The following DUT variants were observed in gnomAD, a reference collection of about 807,000 sequenced individuals.
The protein encoded by DUT is deoxyuridine 5'-triphosphate nucleotidohydrolase, mitochondrial.
A neutral mutation model predicts 28.8 loss-of-function variants in DUT; 21 were observed. The ratio of observed to expected loss-of-function variants is 0.73; its 90% CI spans 0.52 to 1.05. The LOEUF is 1.05. DUT is among the 50% of genes least tolerant of loss of function. The pLI is 0.00. For synonymous variants in DUT, 147 were observed against 143.7 expected (o/e 1.02, Z -0.17); for missense variants, 344 against 351.8 (o/e 0.98, Z 0.18).
chr15:48,332,854 C>T (rs182127406), intron 2 of DUT: 5 of 446,914 alleles, frequency 1.1e-5, no homozygotes, highest in Non-Finnish European at 2.2e-5. Context: ...GAGAAGGCAT[C>T]TGAAAACGAA....
intron 4 of DUT, among the ~76,000 whole-genome samples, chr15:48,337,582 C>G (rs2042488942): frequency 6.6e-6 from 1 of 152,178 alleles, no homozygotes; most frequent in Non-Finnish European, 1.5e-5. Flanking sequence ...TCCTTAGGGA[C>G]TTCACAGATT....
At chr15:48,331,846 C>T (rs939254001) in intron 1 of DUT, 51 bp downstream of exon 1, 3 of 985,454 alleles carry the variant, frequency 3.0e-6, no homozygotes, top group African/African-American at 4.6e-5. Flanking sequence ...ATCCACGCGG[C>T]TTGAGGCTGT....
chr15:48,337,352 A>G (rs1051522820), intron 4 of DUT, among the ~76,000 whole-genome samples: 6 of 152,230 alleles, frequency 3.9e-5, no homozygotes, highest in African/African-American at 9.6e-5. Flanking sequence ...TGAAGTTTCA[A>G]ATGATTGTTC....
In DUT at chr15:48,342,875, A is replaced by G. The variant is rs143862126; in HGVS notation, c.*797A>G. On this transcript the variant is annotated 3_prime_UTR_variant, in exon 7 of 7. Transcript: ENST00000331200. ...AAAATATGCCATTTATAGAGATAAG[A>G]TAAATGAAATAATACTTCAGCCACC... The G allele has an allele frequency of 6.6e-6, 1 of 152,360 alleles. No homozygotes were observed. The highest frequency in any genetic ancestry group is 1.5e-5 in the Non-Finnish European group (1 of 68,032). 9.4% of individuals were successfully genotyped at this position (152,360 alleles called of 1,614,324 possible). A position where few individuals can be genotyped will look rare whatever the true frequency, so the allele number is the denominator to read the frequency against.
At chr15:48,332,732 A>G (rs1484631025) in intron 2 of DUT, 11 of 558,326 alleles carry the variant, frequency 2.0e-5, no homozygotes, top group Non-Finnish European at 3.7e-5. Flanking sequence ...CAATAGAAAA[A>G]CCAAGGTGAG....
intron 3 of DUT, 49 bp from the exon 4 acceptor site, chr15:48,335,997 A>G (rs1282221341): frequency 6.7e-6 from 10 of 1,501,542 alleles, no homozygotes; most frequent in Admixed American, 5.6e-5. Flanking sequence ...TATCTCTGAT[A>G]TAGCCCTTCC....
intron 3 of DUT, among the ~76,000 whole-genome samples, chr15:48,335,474 C>T (rs1054165760): frequency 1.3e-5 from 2 of 152,000 alleles, no homozygotes; most frequent in Non-Finnish European, 2.9e-5. Context: ...CATGTGTTTC[C>T]TACAGGCATG....
At chr15:48,335,910 C>A (rs1411924321) in intron 3 of DUT, 136 bp from the exon 4 acceptor site, 7 of 690,782 alleles carry the variant, frequency 1.0e-5, no homozygotes, top group Non-Finnish European at 1.7e-5. Context: ...TTCTTTAATT[C>A]AAAACCATGT....
At chr15:48,339,199 C>CT (rs1199743036) in intron 4 of DUT, among the ~76,000 whole-genome samples, 4 of 151,966 alleles carry the variant, frequency 2.6e-5, no homozygotes, top group Non-Finnish European at 5.9e-5. Context: ...ATATATTAAT[C>CT]TCAAAGGATA....
chr15:48,335,945 ATAT>A (rs2042470470), intron 3 of DUT, 98 bp from the exon 4 acceptor site: 5 of 859,308 alleles, frequency 5.8e-6, no homozygotes, highest in Admixed American at 5.1e-5. Flanking sequence ...GAAGATATAG[ATAT>A]TATAGGTGAA....
At chr15:48,337,025 A>C (rs2141163608) in intron 4 of DUT, among the ~76,000 whole-genome samples, 1 of 152,322 alleles carries the variant, frequency 6.6e-6, no homozygotes, top group Middle Eastern at 3.4e-3. Context: ...TGCCACTGCA[A>C]GGGCTAACTA....
intron 4 of DUT, chr15:48,340,026 T>TGG (rs2042516490): frequency 6.6e-6 from 1 of 152,264 alleles, no homozygotes; most frequent in South Asian, 2.1e-4. Context: ...GGGTATGCTT[T>TGG]GGGGTTTTTT....
rs2042560979 is a variant in DUT, at chr15:48,343,254, A to G, written c.*1176A>G. 6.6e-6 allele frequency: 1 copy of G among 152,190 alleles called. No homozygotes were observed. The highest frequency in any genetic ancestry group is 1.5e-5 in the Non-Finnish European group (1 of 68,040). 9.4% of individuals were successfully genotyped at this position (152,190 alleles called of 1,614,324 possible). A position where few individuals can be genotyped will look rare whatever the true frequency, so the allele number is the denominator to read the frequency against. On this transcript the variant is annotated 3_prime_UTR_variant, in exon 7 of 7. Transcript: ENST00000331200. ...ATGTAATTGTCCCTCTGTGGCTCAC[A>G]TTTCATTAGTGAGCCATGAAATCAA...
chr15:48,334,565 TTCA>T, intron 3 of DUT, 57 bp downstream of exon 3: 1 of 1,315,530 alleles, frequency 7.6e-7, no homozygotes, highest in Non-Finnish European at 1.1e-6. Context: ...TGATAGATTC[TTCA>T]TGTTTCATTT....
chr15:48,332,002 G>A (rs891303704), intron 1 of DUT: 16 of 921,546 alleles, frequency 1.7e-5, no homozygotes, highest in Non-Finnish European at 2.1e-5. Flanking sequence ...GGCCCCACGC[G>A]CTGAATGTGG....
intron 4 of DUT, among the ~76,000 whole-genome samples, chr15:48,337,081 ACATT>A (rs1357367296): frequency 4.6e-5 from 7 of 152,184 alleles, no homozygotes; most frequent in Admixed American, 1.3e-4. Flanking sequence ...CCTTAGTCTA[ACATT>A]TGGTGGGTGT....
At chr15:48,334,535 A>G (rs2042454337) in intron 3 of DUT, 27 bp downstream of exon 3, 1 of 1,503,164 alleles carries the variant, frequency 6.7e-7, no homozygotes, top group Non-Finnish European at 9.2e-7. Context: ...ACAGGTAACT[A>G]TTTGTCAAGT....
chr15:48,335,335 A>G (rs1483620484), intron 3 of DUT, among the ~76,000 whole-genome samples: 1 of 152,266 alleles, frequency 6.6e-6, no homozygotes, highest in Non-Finnish European at 1.5e-5. Flanking sequence ...CTGCAATAAT[A>G]AGGTGTAACC....
At position 48,331,461 on chromosome 15, in the gene DUT, G is replaced by A. The variant is rs1177751955; in HGVS notation, c.-55G>A. The A allele has an allele frequency of 1.2e-6, 2 of 1,600,562 alleles. No homozygotes were observed. The highest frequency in any genetic ancestry group is 1.7e-6 in the Non-Finnish European group (2 of 1,174,304). On this transcript the variant is annotated 5_prime_UTR_variant, in exon 1 of 7. Transcript: ENST00000331200. ...GGACGGGCGCGTCTTCAGGGTGGAAGCCTGGCGCACGTCCGGAGGTGCCGA... is the reference window on the plus strand; with the variant it reads ...GGACGGGCGCGTCTTCAGGGTGGAAACCTGGCGCACGTCCGGAGGTGCCGA...
Sources: allele counts gnomAD v4.1 joint callset (sites outside exome capture counted in the v4.1 genomes callset), GRCh38; gene constraint gnomAD v4.1.1; transcripts MANE v1.5; gene names NCBI Gene and HGNC (gene_info 2026-07-23, HGNC 2026-07-21).